SLC2A7: variants seen among roughly 807,000 people sequenced by gnomAD.
SLC2A7 encodes the protein solute carrier family 2, facilitated glucose transporter member 7.
A neutral mutation model predicts 50.5 loss-of-function variants in SLC2A7; 50 were observed. That is an observed-to-expected ratio of 0.99 (90% CI 0.79 to 1.25). The LOEUF (loss-of-function observed/expected upper bound fraction) is 1.25, where lower values mean the gene tolerates loss of function less well. SLC2A7 is among the 50% of genes most tolerant of loss of function. The probability of loss-of-function intolerance (pLI) is 0.00; values close to 1 mark genes in which losing one functional copy is unlikely to be tolerated. For synonymous variants in SLC2A7, 308 were observed against 300.4 expected (o/e 1.03, Z -0.26); for missense variants, 683 against 679.1 (o/e 1.01, Z -0.06).
rs188108161 is a variant in SLC2A7, at chr1:9,023,000, A to G, written c.229T>C (p.Trp77Arg). Residue 77 changes from tryptophan to arginine, a missense_variant, in exon 3 of 12, where the codon TGG (tryptophan) becomes CGG (arginine). Trp to Arg is a moderately radical substitution (Grantham distance 101). Transcript: ENST00000400906. ...FMDGKLMLLLWSCTVSMFPLG... is the reference protein window; with the variant it reads ...FMDGKLMLLLRSCTVSMFPLG... The stretch of plus-strand genomic sequence containing the variant: ...GGAAACATGGAGACGGTGCAAGACC[A>G]TAGAAGCAGCATGAGCTTCCCGTCC... 6.2e-7 allele frequency: 1 copy of G among 1,614,204 alleles called. No homozygotes were observed. The highest frequency in any genetic ancestry group is 8.5e-7 in the Non-Finnish European group (1 of 1,180,020).
chr1:9,009,736 G>T (rs898133004), intron 9 of SLC2A7, among the ~76,000 whole-genome samples: 1 of 152,248 alleles, frequency 6.6e-6, no homozygotes, highest in African/African-American at 2.4e-5. Context: ...AGGATTGCAG[G>T]AGTGAGCCAC....
downstream of SLC2A7, among the ~76,000 whole-genome samples, chr1:9,001,769 GGAGA>G: frequency 6.6e-6 from 1 of 152,236 alleles, no homozygotes; most frequent in South Asian, 2.1e-4. Flanking sequence ...AGGGAGAGGA[GGAGA>G]GAGAGTGGAC....
chr1:9,016,636 G>A, intron 5 of SLC2A7, among the ~76,000 whole-genome samples: 1 of 150,662 alleles, frequency 6.6e-6, no homozygotes, highest in East Asian at 1.9e-4. Flanking sequence ...AGGGAGGGAG[G>A]GAAGAAGAGA....
intron 9 of SLC2A7, 87 bp downstream of exon 9, chr1:9,010,056 C>T: frequency 7.7e-7 from 1 of 1,298,342 alleles, no homozygotes; most frequent in Non-Finnish European, 1.1e-6. Flanking sequence ...CAGAACCAAC[C>T]ACTTGGTGCA....
At chr1:9,023,546 G>A (rs1450356871) in intron 2 of SLC2A7, among the ~76,000 whole-genome samples, 1 of 151,970 alleles carries the variant, frequency 6.6e-6, no homozygotes, top group Non-Finnish European at 1.5e-5. Flanking sequence ...GGTGGAGCTT[G>A]CAGTGAGCCG....
intron 10 of SLC2A7, 120 bp downstream of exon 10, chr1:9,007,190 C>T (rs772331152): frequency 7.3e-5 from 83 of 1,138,142 alleles, no homozygotes; most frequent in Admixed American, 2.4e-4. Flanking sequence ...GTGGGATCTG[C>T]GTGAGCACGG....
At chr1:9,014,528 G>A (rs1349440843) in intron 7 of SLC2A7, among the ~76,000 whole-genome samples, 153 bp downstream of exon 7, 1 of 152,256 alleles carries the variant, frequency 6.6e-6, no homozygotes, top group Non-Finnish European at 1.5e-5. Context: ...CGGAGGCAGA[G>A]AGGAGTGAGG....
chr1:9,000,729 A>C (rs1227225714), downstream of SLC2A7, among the ~76,000 whole-genome samples: 4 of 150,516 alleles, frequency 2.7e-5, no homozygotes, highest in Admixed American at 6.6e-5. Flanking sequence ...TCTAGCAAAC[A>C]GCATGTGACT....
intron 3 of SLC2A7, among the ~76,000 whole-genome samples, chr1:9,021,464 G>C (rs1391795652): frequency 6.6e-6 from 1 of 152,190 alleles, no homozygotes; most frequent in African/African-American, 2.4e-5. Context: ...GGACCGCTGG[G>C]ACCCTGAGTG....
the SLC2A7 span, among the ~76,000 whole-genome samples, chr1:8,994,266 A>G: frequency 6.6e-6 from 1 of 152,198 alleles, no homozygotes; most frequent in African/African-American, 2.4e-5. Flanking sequence ...TGGCCTGTGC[A>G]TCTTTCCTTA....
At chr1:9,011,451 C>T (rs535291397) in intron 8 of SLC2A7, among the ~76,000 whole-genome samples, 31 of 152,152 alleles carry the variant, frequency 2.0e-4, no homozygotes, top group South Asian at 8.3e-4. Context: ...CTCAGGAGTT[C>T]GAAACCAGCC....
intron 8 of SLC2A7, among the ~76,000 whole-genome samples, chr1:9,011,384 T>A (rs780455489): frequency 2.0e-5 from 3 of 152,188 alleles, no homozygotes; most frequent in African/African-American, 4.8e-5. Context: ...CTGGGCACAG[T>A]GGCTCACACC....
intron 11 of SLC2A7, 68 bp downstream of exon 11, chr1:9,004,684 C>G: frequency 3.2e-6 from 5 of 1,576,126 alleles, no homozygotes; most frequent in Non-Finnish European, 4.3e-6. Flanking sequence ...ATGTGCTTAG[C>G]GGAAGGGGAA....
downstream of SLC2A7, among the ~76,000 whole-genome samples, chr1:9,002,011 C>A (rs1402170366): frequency 1.3e-5 from 2 of 152,328 alleles, no homozygotes; most frequent in South Asian, 4.1e-4. Flanking sequence ...TGGCTTAGGG[C>A]TGTGCAGGAT....
At chr1:9,021,158 C>T (rs1378872570) in intron 3 of SLC2A7, among the ~76,000 whole-genome samples, 2 of 152,124 alleles carry the variant, frequency 1.3e-5, no homozygotes, top group Admixed American at 6.5e-5. Flanking sequence ...TACAGGCATG[C>T]GCCACCATGC....
chr1:9,017,197 G>A (rs1640842721), intron 5 of SLC2A7, among the ~76,000 whole-genome samples: 1 of 152,218 alleles, frequency 6.6e-6, no homozygotes, highest in African/African-American at 2.4e-5. Context: ...GCGCTCGCTT[G>A]TAATCCCAGC....
chr1:9,001,966 C>T (rs58957717), downstream of SLC2A7, among the ~76,000 whole-genome samples: 1 of 152,242 alleles, frequency 6.6e-6, no homozygotes, highest in Admixed American at 6.5e-5. Flanking sequence ...ACCCTGTGCT[C>T]GCAGAAACAT....
At position 9,008,350 on chromosome 1, in the gene SLC2A7, G is replaced by A. The variant is rs992791355; in HGVS notation, c.1117-965C>T. Among the ~76,000 whole-genome samples, 3 of 152,156 alleles carry A rather than the reference G, an allele frequency of 2.0e-5. No homozygotes were observed. Among genetic ancestry groups the A allele is most frequent in the Admixed American group, 6.5e-5 (1 of 15,272 alleles). ...AAGAAGAGAAGGCAGGAGGATTGGG[G>A]CCATTCAACACTTCAAGCAAAAGCG... On this transcript the variant is annotated intron_variant, in intron 9 of 11. Transcript: ENST00000400906. This position sits in a 1 kb window ranked among gnomAD's most constrained non-coding sequence, Gnocchi z 5.9.
downstream of SLC2A7, among the ~76,000 whole-genome samples, chr1:9,001,917 T>C (rs930338240): frequency 2.6e-5 from 4 of 152,180 alleles, no homozygotes; most frequent in African/African-American, 4.8e-5. Context: ...GAAAAATTCT[T>C]CTGCCTTGAG....
Sources: gnomAD v4.1 joint callset for allele counts (sites outside exome capture counted in the v4.1 genomes callset) on GRCh38, gnomAD v4.1.1 for gene constraint, Gnocchi (gnomAD v3.1) non-coding constraint, MANE v1.5 for transcripts, NCBI Gene and HGNC (gene_info 2026-07-23, HGNC 2026-07-21) for gene names.